Variants in CNGA3 observed in about 807,000 individuals in gnomAD.
CNGA3 encodes cyclic nucleotide gated channel subunit alpha 3, also known as cyclic nucleotide-gated channel alpha-3.
CNGA3 carries 42 observed loss-of-function variants against 46.6 expected under a neutral mutation model. That is an observed-to-expected ratio of 0.90 (90% CI 0.70 to 1.17). The LOEUF (loss-of-function observed/expected upper bound fraction) is 1.17, where lower values mean the gene tolerates loss of function less well. CNGA3 is among the 50% of genes most tolerant of loss of function. The pLI, the probability that CNGA3 is intolerant of heterozygous loss-of-function variation, is 0.00. For synonymous variants in CNGA3, 394 were observed against 369.4 expected, an observed-to-expected ratio of 1.07 and a Z score of -0.76; for missense variants, 893 against 890.7, an observed-to-expected ratio of 1.00 and a Z score of -0.03.
chr2:98,388,418 T>A (rs1423460476), intron 5 of CNGA3, among the ~76,000 whole-genome samples: 4 of 151,984 alleles, frequency 2.6e-5, no homozygotes. Flanking sequence ...GGGCTGGGTA[T>A]CTTGGAGCAA....
Position 98,396,330 on chromosome 2 carries a change from T to C in CNGA3, c.1160T>C (p.Val387Ala), listed in dbSNP as rs1292576415. The change falls in exon 8 of 8, where the codon GTG becomes GCG. Residue 387 changes from valine to alanine, a missense_variant. Coordinates refer to ENST00000272602, the MANE Select transcript of CNGA3 (RefSeq NM_001298.3). Reference sequence around the variant, plus strand: ...CTCTTTGTGGTCGTAGACTTCTTGGTGGGTGTTCTGATTTTTGCCACCATT... The same window carrying C: ...CTCTTTGTGGTCGTAGACTTCTTGGCGGGTGTTCTGATTTTTGCCACCATT... Reference protein sequence around the residue: ...EYLFVVVDFLVGVLIFATIVG... With the variant: ...EYLFVVVDFLAGVLIFATIVG... 1 of 1,611,664 alleles carries C rather than the reference T, an allele frequency of 6.2e-7. No individual in the cohort carries two copies.
intron 5 of CNGA3, among the ~76,000 whole-genome samples, chr2:98,385,477 A>G (rs1407118344): frequency 2.6e-5 from 4 of 152,238 alleles, no homozygotes; most frequent in African/African-American, 4.8e-5. Context: ...CTTCATGCTA[A>G]CCATGGAATT....
At chr2:98,382,287 G>C (rs1558813865) in intron 4 of CNGA3, among the ~76,000 whole-genome samples, 2 of 152,176 alleles carry the variant, frequency 1.3e-5, no homozygotes, top group African/African-American at 4.8e-5. Context: ...TGTGGGCTTG[G>C]CTTTGTGGGG....
At chr2:98,382,418 T>C (rs1051960099) in intron 4 of CNGA3, among the ~76,000 whole-genome samples, 4 of 152,004 alleles carry the variant, frequency 2.6e-5, no homozygotes, top group Admixed American at 6.5e-5. Context: ...GCAGAACCAA[T>C]CTAGAAACAA....
intron 7 of CNGA3, among the ~76,000 whole-genome samples, chr2:98,394,076 C>G (rs1217554472): frequency 2.6e-5 from 4 of 151,880 alleles, no homozygotes; most frequent in Non-Finnish European, 5.9e-5. Context: ...CCCCCAACTT[C>G]CGGGAGCCAA....
At chr2:98,379,013 C>A (rs992207610) in intron 3 of CNGA3, among the ~76,000 whole-genome samples, 1 of 152,208 alleles carries the variant, frequency 6.6e-6, no homozygotes, top group African/African-American at 2.4e-5. Context: ...AGTTCAGAGG[C>A]CTGAGTGGCT....
chr2:98,359,414 T>A (rs550457623), intron 1 of CNGA3, among the ~76,000 whole-genome samples: 1 of 152,296 alleles, frequency 6.6e-6, no homozygotes, highest in South Asian at 2.1e-4. Flanking sequence ...GCCATAGCAA[T>A]GGCTGGACTG....
rs546558602 is a variant in CNGA3, at chr2:98,355,470, A to ATAATCT, written c.-38+8936_-38+8937insTAATCT. Among the ~76,000 whole-genome samples the ATAATCT allele has an allele frequency of 2.6e-4, 39 of 152,336 alleles. No individual in the cohort carries two copies. The East Asian group carries it at 3.5e-3, about 14-fold the overall frequency. ...CTCCATCATGGAACTTCTAGAATTG[A>ATAATCT]AGGACTTTTAATAATCAACTGGGCC... is the stretch of plus-strand genomic sequence containing the variant. On this transcript the variant is annotated intron_variant, in intron 1 of 7. Coordinates refer to ENST00000272602, the MANE Select transcript of CNGA3 (RefSeq NM_001298.3).
intron 5 of CNGA3, among the ~76,000 whole-genome samples, chr2:98,388,905 G>C (rs1692720306): frequency 6.6e-6 from 1 of 152,238 alleles, no homozygotes; most frequent in African/African-American, 2.4e-5. Context: ...CTGCAGGCCT[G>C]GGCCAGCGTG....
chr2:98,377,046 G>A (rs1473061564), intron 2 of CNGA3, among the ~76,000 whole-genome samples: 1 of 152,174 alleles, frequency 6.6e-6, no homozygotes, highest in African/African-American at 2.4e-5. Flanking sequence ...CTAGAGTTTG[G>A]CAAAAGGGAC....
At chr2:98,393,509 C>T (rs111911781) in intron 7 of CNGA3, among the ~76,000 whole-genome samples, 3,660 of 152,298 alleles carry the variant, frequency 0.024, 159 homozygotes, top group African/African-American at 0.083. Flanking sequence ...ACACTGGTGC[C>T]TAGCGTCATA....
intron 3 of CNGA3, among the ~76,000 whole-genome samples, chr2:98,378,997 G>A (rs536958625): frequency 1.3e-5 from 2 of 152,338 alleles, no homozygotes; most frequent in Admixed American, 1.3e-4. Flanking sequence ...TCTTCGAGTG[G>A]CTCTCAGTTC....
intron 3 of CNGA3, 81 bp from the exon 4 acceptor site, chr2:98,380,094 G>A: frequency 4.7e-6 from 7 of 1,476,610 alleles, no homozygotes; most frequent in Non-Finnish European, 6.6e-6. Flanking sequence ...GAGGGAGAAA[G>A]AGAGAGAGGG....
intron 1 of CNGA3, among the ~76,000 whole-genome samples, chr2:98,355,381 G>A (rs1327537560): frequency 6.6e-6 from 1 of 151,854 alleles, no homozygotes; most frequent in Non-Finnish European, 1.5e-5. Context: ...TTTCCACATA[G>A]GTTCACATTC....
chr2:98,398,547 G>A lies in CNGA3; in HGVS notation c.*1292G>A, dbSNP rs1299409474. On this transcript the variant is annotated 3_prime_UTR_variant, in exon 8 of 8. Coordinates refer to ENST00000272602, the MANE Select transcript of CNGA3 (RefSeq NM_001298.3). ...TATATTTTAAAAGCCTTAACTGTTA[G>A]TTATGCCTGCATTCATATTTGCACA... is the stretch of plus-strand genomic sequence containing the variant. 1.3e-5 allele frequency: 2 copies of A among 150,562 alleles called. No homozygotes were observed. Among genetic ancestry groups the A allele is most frequent in the East Asian group, 2.0e-4 (1 of 5,102 alleles). The allele number at this position is 150,562 out of a possible 1,614,324, so 9.3% of individuals were successfully genotyped here.
At chr2:98,395,232 C>T (rs550793374) in intron 7 of CNGA3, among the ~76,000 whole-genome samples, 8 of 151,856 alleles carry the variant, frequency 5.3e-5, no homozygotes, top group South Asian at 2.1e-4. Flanking sequence ...TGTAGTGGTG[C>T]GATCTTGGCT....
rs77336097 is a variant in CNGA3, at chr2:98,354,960, C to A, written c.-38+8426C>A. On this transcript the variant is annotated intron_variant, in intron 1 of 7. Coordinates refer to ENST00000272602, the MANE Select transcript of CNGA3 (RefSeq NM_001298.3). ...TAACTGTGGTTGTGTCATGGATACC[C>A]TTTGTTAGGTTGAGGAAGTTTCCTT... 5.9e-3 allele frequency among the ~76,000 whole-genome samples: 903 copies of A among 152,226 alleles called. 10 individuals carry two copies. The highest frequency in any genetic ancestry group is 0.02 in the African/African-American group (838 of 41,538).
intron 1 of CNGA3, among the ~76,000 whole-genome samples, chr2:98,353,625 T>A (rs1377474098): frequency 2.6e-5 from 4 of 152,188 alleles, no homozygotes. Context: ...CAAAAGTAAT[T>A]GTGGTTTTTG....
intron 5 of CNGA3, among the ~76,000 whole-genome samples, chr2:98,385,565 T>C (rs1304752025): frequency 6.6e-6 from 1 of 152,146 alleles, no homozygotes; most frequent in Non-Finnish European, 1.5e-5. Context: ...TATTGAATAC[T>C]TAGATTGATA....
Sources: gnomAD v4.1 joint callset for allele counts (sites outside exome capture counted in the v4.1 genomes callset) on GRCh38, gnomAD v4.1.1 for gene constraint, MANE v1.5 for transcripts, NCBI Gene and HGNC (gene_info 2026-07-23, HGNC 2026-07-21) for gene names.